The following TRERF1 variants were observed in gnomAD, a reference collection of about 807,000 sequenced individuals.
The protein encoded by TRERF1 is transcriptional regulating factor 1, also known as transcriptional-regulating factor 1.
TRERF1 carries 27 observed loss-of-function variants against 122.9 expected under a neutral mutation model. The ratio of observed to expected loss-of-function variants is 0.22; its 90% CI spans 0.16 to 0.30. The LOEUF is 0.30. TRERF1 is among the 10% of genes least tolerant of loss of function. TRERF1 has a pLI of 1.00. For missense variants in TRERF1, 1,248 were observed against 1,560.3 expected (o/e 0.80, Z 3.37); for synonymous variants, 636 against 641.7 (o/e 0.99, Z 0.13).
chr6:42,243,173 C>T lies in TRERF1; in HGVS notation c.2859+75G>A, dbSNP rs913474942. 4 of 1,287,054 alleles carry T rather than the reference C, an allele frequency of 3.1e-6. 1 individual carries two copies. The South Asian group carries it at 5.0e-5, about 16-fold the overall frequency. 79.7% of individuals were successfully genotyped at this position (1,287,054 alleles called of 1,614,324 possible). On this transcript the variant is annotated intron_variant, in intron 15 of 17. Coordinates refer to ENST00000372922, the Ensembl canonical transcript of TRERF1. The stretch of plus-strand genomic sequence containing the variant: ...ATCTTGGCAGCAAAGCCAAACCAAA[C>T]ACCAGCTACTTACTAACCTGGGCCT...
intron 4 of TRERF1, among the ~76,000 whole-genome samples, chr6:42,287,776 C>G (rs1209124302): frequency 6.6e-6 from 1 of 152,158 alleles, no homozygotes; most frequent in Non-Finnish European, 1.5e-5. Flanking sequence ...ATTGCCTAAT[C>G]CATGCTCCTC....
intron 2 of TRERF1, among the ~76,000 whole-genome samples, chr6:42,413,255 T>C (rs1258380045): frequency 6.6e-6 from 1 of 152,176 alleles, no homozygotes; most frequent in African/African-American, 2.4e-5. Context: ...CGTTCAATAC[T>C]GGATACTTGG....
chr6:42,435,543 T>C (rs1785182312), intron 2 of TRERF1, among the ~76,000 whole-genome samples: 1 of 152,054 alleles, frequency 6.6e-6, no homozygotes, highest in South Asian at 2.1e-4. Flanking sequence ...AGAGTAATAC[T>C]CCTTCTTAGG....
intron 3 of TRERF1, among the ~76,000 whole-genome samples, chr6:42,325,156 G>A (rs1283068667): frequency 6.6e-6 from 1 of 152,184 alleles, no homozygotes; most frequent in Non-Finnish European, 1.5e-5. Context: ...TGAAAAAAAT[G>A]CTCAACATCG....
chr6:42,291,304 T>C (rs1440758277), intron 4 of TRERF1, among the ~76,000 whole-genome samples: 1 of 152,112 alleles, frequency 6.6e-6, no homozygotes, highest in African/African-American at 2.4e-5. Context: ...CTTTTATCAC[T>C]GGTTTTTGAA....
chr6:42,398,381 A>G (rs1362630806), intron 2 of TRERF1, among the ~76,000 whole-genome samples: 5 of 152,190 alleles, frequency 3.3e-5, no homozygotes, highest in Non-Finnish European at 7.3e-5. Flanking sequence ...GAGTGTGGCC[A>G]TCACATGCCC....
intron 3 of TRERF1, among the ~76,000 whole-genome samples, chr6:42,352,201 C>T (rs559647590): frequency 1.3e-5 from 2 of 152,248 alleles, no homozygotes; most frequent in South Asian, 2.1e-4. Context: ...TGCCATGTTG[C>T]CCAGGCTGGT....
chr6:42,397,931 A>AAGTCTG (rs748967776), intron 2 of TRERF1, among the ~76,000 whole-genome samples: 3 of 152,216 alleles, frequency 2.0e-5, no homozygotes, highest in Non-Finnish European at 2.9e-5. Flanking sequence ...TCATCGCAGA[A>AAGTCTG]AGTCTGAGTG....
intron 3 of TRERF1, among the ~76,000 whole-genome samples, chr6:42,315,441 A>G (rs1762312957): frequency 6.6e-6 from 1 of 152,180 alleles, no homozygotes; most frequent in Non-Finnish European, 1.5e-5. Context: ...TGTGATCCTT[A>G]CACGTGGCAC....
intron 14 of TRERF1, among the ~76,000 whole-genome samples, chr6:42,245,092 C>T (rs1774523962): frequency 6.6e-6 from 1 of 152,210 alleles, no homozygotes; most frequent in Non-Finnish European, 1.5e-5. Context: ...AGTGCCCGTC[C>T]CAGAGAGCCC....
At chr6:42,321,952 TAAA>T (rs1763532860) in intron 3 of TRERF1, among the ~76,000 whole-genome samples, 1 of 152,190 alleles carries the variant, frequency 6.6e-6, no homozygotes, top group Non-Finnish European at 1.5e-5. Flanking sequence ...AACCTGTAGA[TAAA>T]GCATAAAAGA....
At chr6:42,304,508 C>A (rs1032993212) in intron 3 of TRERF1, among the ~76,000 whole-genome samples, 1 of 152,226 alleles carries the variant, frequency 6.6e-6, no homozygotes, top group Admixed American at 6.5e-5. Flanking sequence ...ATGTGAATAT[C>A]CACAAGAATC....
At chr6:42,310,260 C>T (rs926979093) in intron 3 of TRERF1, among the ~76,000 whole-genome samples, 5 of 152,168 alleles carry the variant, frequency 3.3e-5, no homozygotes, top group South Asian at 2.1e-4. Flanking sequence ...TGAGCCACCA[C>T]GCCCCGGCCT....
At chr6:42,360,771 TAAAAAAAAAAAA>T (rs55924002) in intron 3 of TRERF1, among the ~76,000 whole-genome samples, 4 of 36,418 alleles carry the variant, frequency 1.1e-4, no homozygotes, top group Admixed American at 7.8e-4. Flanking sequence ...GTGGAGAGAT[TAAAAAAAAAAAA>T]AAAAAAAAAA....
chr6:42,357,595 G>A (rs1165060171), intron 3 of TRERF1, among the ~76,000 whole-genome samples: 3 of 152,200 alleles, frequency 2.0e-5, no homozygotes, highest in African/African-American at 7.2e-5. Flanking sequence ...GCCAGTCAAG[G>A]TGATGAGCAT....
intron 4 of TRERF1, among the ~76,000 whole-genome samples, chr6:42,272,233 C>T (rs1473670097): frequency 1.3e-5 from 2 of 152,182 alleles, no homozygotes; most frequent in East Asian, 1.9e-4. Context: ...GCAGTCGTAC[C>T]CTTCTACCTG....
chr6:42,267,806 C>A (rs1279445278), intron 5 of TRERF1, among the ~76,000 whole-genome samples: 1 of 152,212 alleles, frequency 6.6e-6, no homozygotes, highest in South Asian at 2.1e-4. Flanking sequence ...TGTCACAGAG[C>A]ATATCCAGAG....
intron 13 of TRERF1, among the ~76,000 whole-genome samples, chr6:42,252,585 C>A (rs1776013220): frequency 6.6e-6 from 1 of 152,158 alleles, no homozygotes; most frequent in Non-Finnish European, 1.5e-5. Flanking sequence ...GGGGAGCAAC[C>A]CAACAGGGCT....
At position 42,365,220 on chromosome 6, in the gene TRERF1, C is replaced by T. The variant is rs560871857; in HGVS notation, c.-453-2141G>A. On this transcript the variant is annotated intron_variant, in intron 2 of 17. Transcript: ENST00000372922. ...GTTTCTGCCCTAGGTGGCTTACTCT[C>T]TCACCCTAGTCCACACCCTGACTGG... Among the ~76,000 whole-genome samples the T allele has an allele frequency of 5.0e-3, 765 of 152,262 alleles. 9 individuals are homozygous for T. The highest frequency in any genetic ancestry group is 0.018 in the African/African-American group (735 of 41,526).
Sources: gnomAD v4.1 joint callset for allele counts (sites outside exome capture counted in the v4.1 genomes callset) on GRCh38, gnomAD v4.1.1 for gene constraint, MANE v1.5 for transcripts, NCBI Gene and HGNC (gene_info 2026-07-23, HGNC 2026-07-21) for gene names.